Variants in C1QTNF7 observed in about 807,000 individuals in gnomAD.
The protein encoded by C1QTNF7 is C1q and TNF related 7, also known as complement C1q tumor necrosis factor-related protein 7.
In C1QTNF7, 15 loss-of-function variants were observed where a neutral mutation model predicts 19.6. The ratio of observed to expected loss-of-function variants is 0.76; its 90% CI spans 0.51 to 1.18. The LOEUF is 1.18. Among genes scored for constraint, C1QTNF7 ranks in the 50% most tolerant of loss-of-function variants. The probability of loss-of-function intolerance (pLI) is 0.00; values close to 1 mark genes in which losing one functional copy is unlikely to be tolerated. For synonymous variants in C1QTNF7, 142 were observed against 137.5 expected (o/e 1.03, Z -0.23); for missense variants, 324 against 359.7 (o/e 0.90, Z 0.80).
chr4:15,353,272 C>G (rs1256125008), intron 1 of C1QTNF7, among the ~76,000 whole-genome samples: 1 of 152,136 alleles, frequency 6.6e-6, no homozygotes, highest in South Asian at 2.1e-4. Flanking sequence ...AAGAAACTGG[C>G]CTTCAAGTTC....
chr4:15,364,242 T>C (rs1717436558), intron 1 of C1QTNF7, among the ~76,000 whole-genome samples: 1 of 152,216 alleles, frequency 6.6e-6, no homozygotes, highest in Non-Finnish European at 1.5e-5. Flanking sequence ...ACATAAATAG[T>C]CTTTGGCTTG....
At chr4:15,432,255 C>T (rs780772429) in intron 1 of C1QTNF7, among the ~76,000 whole-genome samples, 1 of 152,168 alleles carries the variant, frequency 6.6e-6, no homozygotes, top group Non-Finnish European at 1.5e-5. Context: ...CAATGAAGAA[C>T]CAAACAGCGT....
At chr4:15,386,714 C>T (rs766607997) in intron 1 of C1QTNF7, among the ~76,000 whole-genome samples, 16 of 152,166 alleles carry the variant, frequency 1.1e-4, no homozygotes, top group Non-Finnish European at 7.3e-5. Context: ...TAGCCACACA[C>T]ATCTGAGGGA....
At position 15,385,300 on chromosome 4, in the gene C1QTNF7, C is replaced by T. The variant is rs116102480; in HGVS notation, c.13+45093C>T. On this transcript the variant is annotated intron_variant, in intron 1 of 2. Transcript: ENST00000295297. ...AAAGAAAACACAAAGACGTACATGTCAGAAGGACCACAGAAAAGGAAGTGA... is the reference window on the plus strand; with the variant it reads ...AAAGAAAACACAAAGACGTACATGTTAGAAGGACCACAGAAAAGGAAGTGA... Among the ~76,000 whole-genome samples, 1,480 of 152,256 alleles carry T rather than the reference C, an allele frequency of 9.7e-3. 33 individuals are homozygous for T. The highest frequency in any genetic ancestry group is 0.034 in the African/African-American group (1,410 of 41,544).
At chr4:15,364,261 T>A (rs959414575) in intron 1 of C1QTNF7, among the ~76,000 whole-genome samples, 23 of 152,216 alleles carry the variant, frequency 1.5e-4, no homozygotes, top group African/African-American at 5.3e-4. Flanking sequence ...TGGTGATTTA[T>A]CAGCCTCTTC....
At chr4:15,384,309 GA>G (rs1718253001) in intron 1 of C1QTNF7, among the ~76,000 whole-genome samples, 1 of 152,136 alleles carries the variant, frequency 6.6e-6, no homozygotes, top group South Asian at 2.1e-4. Context: ...TTGACAGATT[GA>G]AATGATAGCA....
intron 2 of C1QTNF7, among the ~76,000 whole-genome samples, chr4:15,438,023 T>C (rs1195143182): frequency 6.6e-6 from 1 of 152,188 alleles, no homozygotes; most frequent in Non-Finnish European, 1.5e-5. Flanking sequence ...GGCCAATATA[T>C]ACAGACATAA....
chr4:15,383,649 T>C (rs928893976), intron 1 of C1QTNF7, among the ~76,000 whole-genome samples: 34 of 152,208 alleles, frequency 2.2e-4, no homozygotes, highest in African/African-American at 7.7e-4. Context: ...TACCTTCAAA[T>C]TGTTATTGTT....
chr4:15,381,344 G>A (rs1033173872), intron 1 of C1QTNF7, among the ~76,000 whole-genome samples: 3 of 151,538 alleles, frequency 2.0e-5, no homozygotes, highest in Non-Finnish European at 4.4e-5. Context: ...GTGAACCTGG[G>A]AGGCAGAGCT....
intron 1 of C1QTNF7, among the ~76,000 whole-genome samples, chr4:15,417,924 A>T (rs773978952): frequency 7.9e-5 from 12 of 152,020 alleles, no homozygotes; most frequent in Non-Finnish European, 1.3e-4. Flanking sequence ...GAACTCAGTC[A>T]CTATTGCAAG....
chr4:15,433,688 C>A (rs1175319066), intron 1 of C1QTNF7, among the ~76,000 whole-genome samples: 1 of 152,168 alleles, frequency 6.6e-6, no homozygotes, highest in Non-Finnish European at 1.5e-5. Flanking sequence ...ACACATATCA[C>A]CAGAAATCAC....
intron 1 of C1QTNF7, among the ~76,000 whole-genome samples, chr4:15,377,853 C>A (rs1430893781): frequency 6.6e-6 from 1 of 152,214 alleles, no homozygotes; most frequent in Non-Finnish European, 1.5e-5. Flanking sequence ...CAACTTAGCA[C>A]CGCAACTAGC....
At chr4:15,340,021 T>G (rs1172188406) in exon 1 of C1QTNF7, 6 of 797,076 alleles carry the variant, frequency 7.5e-6, no homozygotes. Flanking sequence ...TTCAAACGCA[T>G]TCTCATGCTC....
At chr4:15,434,949 A>G (rs1203588367) in intron 1 of C1QTNF7, among the ~76,000 whole-genome samples, 1 of 152,152 alleles carries the variant, frequency 6.6e-6, no homozygotes, top group Non-Finnish European at 1.5e-5. Context: ...CCCAATTAAC[A>G]CTAATTGGCA....
chr4:15,371,317 C>T (rs1300136365), intron 1 of C1QTNF7, among the ~76,000 whole-genome samples: 4 of 152,348 alleles, frequency 2.6e-5, no homozygotes, highest in African/African-American at 7.2e-5. Flanking sequence ...AATAAAGGGG[C>T]CTCATTAGAC....
chr4:15,413,424 C>G (rs531842091), intron 1 of C1QTNF7, among the ~76,000 whole-genome samples: 1 of 152,274 alleles, frequency 6.6e-6, no homozygotes, highest in South Asian at 2.1e-4. Flanking sequence ...TAAACCCAAC[C>G]ACTTGCAACA....
At chr4:15,395,417 T>A (rs1415190932) in intron 1 of C1QTNF7, among the ~76,000 whole-genome samples, 2 of 152,038 alleles carry the variant, frequency 1.3e-5, no homozygotes, top group Non-Finnish European at 2.9e-5. Flanking sequence ...GCCTGGGAGG[T>A]GCAGTCTCTC....
intron 1 of C1QTNF7, 52 bp downstream of exon 1, chr4:15,428,158 C>T: frequency 1.2e-6 from 1 of 834,324 alleles, no homozygotes; most frequent in Non-Finnish European, 1.4e-6. Context: ...GATGCAATGG[C>T]CTGTTCTCGT....
At chr4:15,369,782 G>C (rs1429559663) in intron 1 of C1QTNF7, among the ~76,000 whole-genome samples, 1 of 152,140 alleles carries the variant, frequency 6.6e-6, no homozygotes, top group East Asian at 1.9e-4. Flanking sequence ...TGATATTTCA[G>C]TTGAATACAT....
Sources: gnomAD v4.1 joint callset for allele counts (sites outside exome capture counted in the v4.1 genomes callset) on GRCh38, gnomAD v4.1.1 for gene constraint, MANE v1.5 for transcripts, NCBI Gene and HGNC (gene_info 2026-07-23, HGNC 2026-07-21) for gene names.